AKAP9: variants seen among roughly 807,000 people sequenced by gnomAD.
AKAP9 encodes A-kinase anchoring protein 9, also known as A-kinase anchor protein 9.
AKAP9 carries 311 observed loss-of-function variants against 488.5 expected under a neutral mutation model. The observed-to-expected ratio is 0.64, with a 90% CI of 0.58 to 0.70. The LOEUF (loss-of-function observed/expected upper bound fraction) is 0.70, where lower values mean the gene tolerates loss of function less well. Ranked by LOEUF, AKAP9 falls within the 30% of genes least tolerant of loss-of-function variation. AKAP9 has a pLI of 0.00. For missense variants in AKAP9, 4,215 were observed against 4,374.5 expected (o/e 0.96, Z 1.03); for synonymous variants, 1,462 against 1,483.5 (o/e 0.99, Z 0.33).
chr7:92,103,997 A>C (rs927171184), intron 46 of AKAP9, among the ~76,000 whole-genome samples: 71 of 152,064 alleles, frequency 4.7e-4, no homozygotes, highest in Non-Finnish European at 8.2e-4. Context: ...TGTGATTGAC[A>C]TGGAGCCAAG....
At chr7:91,965,143 TCTGTTAAA>T (rs1213130173) in intron 1 of AKAP9, among the ~76,000 whole-genome samples, 1 of 152,206 alleles carries the variant, frequency 6.6e-6, no homozygotes, top group Non-Finnish European at 1.5e-5. Flanking sequence ...TTTTATTTCT[TCTGTTAAA>T]CTGTTCTTTG....
In AKAP9 at chr7:92,073,006, T is replaced by C. The variant is rs187908667; in HGVS notation, c.6612+1997T>C. Among the ~76,000 whole-genome samples the C allele has an allele frequency of 5.8e-3, 884 of 152,224 alleles. 3 individuals carry two copies. The highest frequency in any genetic ancestry group is 9.4e-3 in the Non-Finnish European group (641 of 67,990). ...TTCTGTGAGTCTGAAGCCCTTGTGA[T>C]ACTATACTGCCAAAGCATTGGGGCC... On this transcript the variant is annotated intron_variant, in intron 28 of 49. Transcript: ENST00000356239.
chr7:92,071,051 A>C (rs774228242), intron 28 of AKAP9, 42 bp downstream of exon 28: 1 of 1,482,142 alleles, frequency 6.7e-7, no homozygotes, highest in Non-Finnish European at 9.4e-7. Context: ...GGTTTGAATT[A>C]TTTTAAATCA....
At chr7:92,024,635 T>C (rs1311702354) in intron 14 of AKAP9, among the ~76,000 whole-genome samples, 1 of 152,086 alleles carries the variant, frequency 6.6e-6, no homozygotes, top group Non-Finnish European at 1.5e-5. Flanking sequence ...ACTCAATAAA[T>C]TATTTGTTTA....
At chr7:92,038,821 T>C in intron 17 of AKAP9, 49 bp downstream of exon 17, 1 of 1,302,390 alleles carries the variant, frequency 7.7e-7, no homozygotes. Context: ...AATTGTGAAT[T>C]CTTTCACTTT....
chr7:91,974,288 T>A (rs1330929559), intron 2 of AKAP9, among the ~76,000 whole-genome samples: 2 of 152,234 alleles, frequency 1.3e-5, no homozygotes, highest in Non-Finnish European at 2.9e-5. Flanking sequence ...TGCAGTGTGC[T>A]ATGATTAGAC....
At chr7:92,025,017 G>A (rs780826969) in intron 14 of AKAP9, among the ~76,000 whole-genome samples, 11 of 152,106 alleles carry the variant, frequency 7.2e-5, no homozygotes, top group Non-Finnish European at 1.5e-4. Flanking sequence ...TACAATGAAA[G>A]ATCACTGAAT....
At chr7:92,063,452 A>C (rs980606738) in intron 24 of AKAP9, 1 of 924,432 alleles carries the variant, frequency 1.1e-6, no homozygotes, top group Non-Finnish European at 1.3e-6. Flanking sequence ...TTTTTTCTCT[A>C]TTTTCCTAGG....
At chr7:92,081,862 A>C (rs888708034) in intron 31 of AKAP9, among the ~76,000 whole-genome samples, 1 of 152,214 alleles carries the variant, frequency 6.6e-6, no homozygotes, top group African/African-American at 2.4e-5. Context: ...CTGATAAATC[A>C]CAATTCTATA....
At chr7:92,053,163 CTTTTG>C (rs1014458340) in intron 22 of AKAP9, among the ~76,000 whole-genome samples, 3 of 151,996 alleles carry the variant, frequency 2.0e-5, no homozygotes, top group Non-Finnish European at 4.4e-5. Flanking sequence ...CATGATCCTG[CTTTTG>C]TTTTGTTTTG....
chr7:91,976,514 A>G (rs1232647696), intron 2 of AKAP9, among the ~76,000 whole-genome samples: 2 of 152,082 alleles, frequency 1.3e-5, no homozygotes, highest in Admixed American at 6.6e-5. Context: ...TGAGCCACTC[A>G]CTGCTCCCAA....
At position 92,082,656 on chromosome 7, in the gene AKAP9, G is replaced by A. The variant is rs780504336; in HGVS notation, c.8154G>A (p.Glu2718=). The part of the protein sequence containing the change: ...YKEKAEKLQE[E]LLVKETNMTS... ...AAAAGGCTGAAAAACTTCAAGAAGA[G>A]CTTTTGGTAAGATAAGTAACATAGC... The change falls in exon 32 of 50, where the codon GAG becomes GAA. Residue 2718 remains glutamate (E), a synonymous_variant. Transcript: ENST00000356239. 6.2e-7 allele frequency: 1 copy of A among 1,613,828 alleles called. No homozygotes were observed. The highest frequency in any genetic ancestry group is 1.7e-5 in the Admixed American group (1 of 60,028).
chr7:92,053,119 T>G (rs1394254203), intron 22 of AKAP9, among the ~76,000 whole-genome samples, 161 bp downstream of exon 22: 1 of 152,236 alleles, frequency 6.6e-6, no homozygotes, highest in Non-Finnish European at 1.5e-5. Flanking sequence ...GTATGAAAGT[T>G]GTATAGTATA....
intron 14 of AKAP9, among the ~76,000 whole-genome samples, chr7:92,027,972 C>T (rs1223638337): frequency 6.6e-6 from 1 of 152,102 alleles, no homozygotes; most frequent in African/African-American, 2.4e-5. Flanking sequence ...CCTTGGGATG[C>T]TGTTAATCTA....
intron 1 of AKAP9, among the ~76,000 whole-genome samples, chr7:91,943,153 C>A (rs965058487): frequency 2.0e-5 from 3 of 151,942 alleles, no homozygotes; most frequent in African/African-American, 7.3e-5. Context: ...GAGCTATCAT[C>A]ATGCTACTGC....
rs773032906 is a variant in AKAP9 at position 92,101,065 on chromosome 7, C to T, written c.11097+9C>T. 3 of 1,610,990 alleles carry T rather than the reference C, an allele frequency of 1.9e-6. No individual in the cohort carries two copies. Among genetic ancestry groups the T allele is most frequent in the Non-Finnish European group, 2.5e-6 (3 of 1,179,046 alleles). ...AACATGTCACTTTAAAGGTAGGAGACATCTCCCATCTAAACATCACAGCTG... is the reference window on the plus strand; with the variant it reads ...AACATGTCACTTTAAAGGTAGGAGATATCTCCCATCTAAACATCACAGCTG... On this transcript the variant is annotated intron_variant, in intron 45 of 49. Transcript: ENST00000356239.
intron 1 of AKAP9, among the ~76,000 whole-genome samples, chr7:91,958,116 A>C (rs1038501262): frequency 3.3e-5 from 5 of 152,228 alleles, no homozygotes; most frequent in African/African-American, 1.2e-4. Context: ...GATCTCTGAC[A>C]GATGTCCATG....
At chr7:92,003,941 A>G (rs1271450970) in intron 8 of AKAP9, among the ~76,000 whole-genome samples, 12 of 152,182 alleles carry the variant, frequency 7.9e-5, no homozygotes, top group Non-Finnish European at 5.9e-5. Flanking sequence ...TCATTTTTCT[A>G]ACATATTTAT....
chr7:91,996,320 C>T (rs1798401323), intron 7 of AKAP9, among the ~76,000 whole-genome samples: 1 of 152,122 alleles, frequency 6.6e-6, no homozygotes, highest in South Asian at 2.1e-4. Context: ...ATGTGTATCA[C>T]ATTGATTATA....
Sources: gnomAD v4.1 joint callset for allele counts (sites outside exome capture counted in the v4.1 genomes callset) on GRCh38, gnomAD v4.1.1 for gene constraint, MANE v1.5 for transcripts, NCBI Gene and HGNC (gene_info 2026-07-23, HGNC 2026-07-21) for gene names.